RBFOX3: variants seen among roughly 807,000 people sequenced by gnomAD.
RBFOX3 encodes the protein RNA binding protein fox-1 homolog 3.
A neutral mutation model predicts 48.7 loss-of-function variants in RBFOX3; 17 were observed. The ratio of observed to expected loss-of-function variants is 0.35; its 90% confidence interval spans 0.24 to 0.52. RBFOX3 has a LOEUF of 0.52. RBFOX3 is among the 20% of genes least tolerant of loss of function. RBFOX3 has a pLI of 0.94. For synonymous variants in RBFOX3, 212 were observed against 209.5 expected (o/e 1.01, Z -0.10); for missense variants, 382 against 497.5 (o/e 0.77, Z 2.21).
chr17:79,534,157 C>T (rs994111251), intron 1 of RBFOX3, among the ~76,000 whole-genome samples: 12 of 152,182 alleles, frequency 7.9e-5, no homozygotes, highest in South Asian at 2.1e-4. Context: ...TGTAAACAAA[C>T]GTATTTTCTC....
intron 2 of RBFOX3, among the ~76,000 whole-genome samples, chr17:79,478,042 C>T (rs377532955): frequency 6.6e-6 from 1 of 152,290 alleles, no homozygotes. Context: ...CTAAATGAAG[C>T]CATGATCCCC....
intron 2 of RBFOX3, among the ~76,000 whole-genome samples, chr17:79,366,285 G>T (rs924593432): frequency 1.3e-5 from 2 of 152,240 alleles, no homozygotes; most frequent in African/African-American, 4.8e-5. Context: ...TAAAGGGGCT[G>T]CTTTCTGTAT....
chr17:79,545,148 G>T (rs11871006), intron 1 of RBFOX3, among the ~76,000 whole-genome samples: 6,202 of 152,234 alleles, frequency 0.041, 299 homozygotes, highest in African/African-American at 0.12. Flanking sequence ...TCTTTGATAT[G>T]GCTTATTTTG....
intron 2 of RBFOX3, among the ~76,000 whole-genome samples, chr17:79,353,597 G>A (rs1022355308): frequency 1.3e-5 from 2 of 152,252 alleles, no homozygotes; most frequent in Admixed American, 1.3e-4. Flanking sequence ...TGAAGCTGCA[G>A]ACCAAACACC....
chr17:79,568,541 C>T (rs1275597937), intron 1 of RBFOX3, among the ~76,000 whole-genome samples: 2 of 152,160 alleles, frequency 1.3e-5, no homozygotes, highest in Non-Finnish European at 2.9e-5. Flanking sequence ...GGTAGGCAAA[C>T]TTCTGCTGGT....
chr17:79,440,262 C>T (rs1393821724), intron 2 of RBFOX3, among the ~76,000 whole-genome samples: 2 of 152,210 alleles, frequency 1.3e-5, no homozygotes, highest in East Asian at 1.9e-4. Context: ...CGCTGTCCTG[C>T]GGACGGGCCG....
At chr17:79,246,975 C>T (rs961112537) in intron 3 of RBFOX3, among the ~76,000 whole-genome samples, 5 of 152,158 alleles carry the variant, frequency 3.3e-5, no homozygotes, top group Non-Finnish European at 5.9e-5. Context: ...TAGATGAGCG[C>T]GTTTCATTAT....
intron 2 of RBFOX3, among the ~76,000 whole-genome samples, chr17:79,428,776 C>T (rs1388004078): frequency 2.6e-5 from 4 of 152,228 alleles, no homozygotes; most frequent in African/African-American, 4.8e-5. Flanking sequence ...TCCCTGCCCC[C>T]CGGCTTATGT....
At chr17:79,261,532 C>T (rs1050480286) in intron 3 of RBFOX3, among the ~76,000 whole-genome samples, 1 of 152,220 alleles carries the variant, frequency 6.6e-6, no homozygotes, top group African/African-American at 2.4e-5. Flanking sequence ...GCCTGTGCGG[C>T]TCTCTCTCCC....
intron 4 of RBFOX3, among the ~76,000 whole-genome samples, chr17:79,119,691 G>A (rs758266698): frequency 5.3e-5 from 8 of 152,196 alleles, no homozygotes; most frequent in African/African-American, 7.2e-5. Flanking sequence ...CAGAGGAAAT[G>A]CAGAATGAAA....
At chr17:79,577,096 C>T (rs1484614915) in intron 1 of RBFOX3, among the ~76,000 whole-genome samples, 2 of 152,194 alleles carry the variant, frequency 1.3e-5, no homozygotes, top group Non-Finnish European at 2.9e-5. Flanking sequence ...ACTCTTCACT[C>T]TCCAGACCCC....
At chr17:79,448,985 C>T (rs891636396) in intron 2 of RBFOX3, among the ~76,000 whole-genome samples, 4 of 152,076 alleles carry the variant, frequency 2.6e-5, no homozygotes, top group South Asian at 4.1e-4. Context: ...TTGCCAGCCA[C>T]GCTCCCCTGT....
At chr17:79,621,297 C>A in the RBFOX3 span, among the ~76,000 whole-genome samples, 1 of 152,190 alleles carries the variant, frequency 6.6e-6, no homozygotes, top group Non-Finnish European at 1.5e-5. Flanking sequence ...CCACGCCCAG[C>A]CTGTCCTTCA....
intron 2 of RBFOX3, among the ~76,000 whole-genome samples, chr17:79,437,886 G>A (rs1394635421): frequency 1.3e-5 from 2 of 152,182 alleles, no homozygotes; most frequent in African/African-American, 4.8e-5. Context: ...AGCAGACCTG[G>A]AGAGGCACAT....
chr17:79,574,081 A>C (rs1210843624), intron 1 of RBFOX3, among the ~76,000 whole-genome samples: 1 of 152,198 alleles, frequency 6.6e-6, no homozygotes, highest in African/African-American at 2.4e-5. Flanking sequence ...ATCCAAAAGG[A>C]GAAATCTGAG....
rs145397924 is a variant in RBFOX3 at position 79,446,575 on chromosome 17, C to T, written c.-175+35879G>A. On this transcript the variant is annotated intron_variant, in intron 2 of 14. Coordinates refer to ENST00000693108, the MANE Select transcript of RBFOX3 (RefSeq NM_001350451.2). Reference sequence around the variant, plus strand: ...TGTTAGTGTACCATTGCTATGGCAACGCTCCTGGGCAGCACCCAGGAGTGA... The same window carrying T: ...TGTTAGTGTACCATTGCTATGGCAATGCTCCTGGGCAGCACCCAGGAGTGA... Among the ~76,000 whole-genome samples the T allele has an allele frequency of 5.3e-5, 8 of 152,346 alleles. No individual in the cohort carries two copies. In the East Asian group the frequency reaches 5.8e-4, roughly 11 times the overall value.
chr17:79,442,360 GGGGAGAGAGAGAGAGAGAGAGAGA>G (rs2071271844), intron 2 of RBFOX3, among the ~76,000 whole-genome samples: 3 of 31,364 alleles, frequency 9.6e-5, no homozygotes, highest in South Asian at 2.8e-3. Context: ...AGGAAGAGGG[GGGGAGAGAGAGAGAGAGAGAGAGA>G]GAGAGAGAGA....
intron 1 of RBFOX3, among the ~76,000 whole-genome samples, chr17:79,531,921 G>T (rs1485238620): frequency 6.6e-6 from 1 of 152,350 alleles, no homozygotes. Context: ...CACACAGCAG[G>T]CTGGACAGTG....
chr17:79,571,454 C>T (rs1160333335), intron 1 of RBFOX3, among the ~76,000 whole-genome samples: 7 of 152,176 alleles, frequency 4.6e-5, no homozygotes, highest in East Asian at 1.9e-4. Flanking sequence ...GAGTCTTCCT[C>T]GAGGCCCCAT....
Sources: gnomAD v4.1 joint callset for allele counts (sites outside exome capture counted in the v4.1 genomes callset) on GRCh38, gnomAD v4.1.1 for gene constraint, MANE v1.5 for transcripts, NCBI Gene and HGNC (gene_info 2026-07-23, HGNC 2026-07-21) for gene names.